CPPED1: variants seen among roughly 807,000 people sequenced by gnomAD.
CPPED1 encodes calcineurin like phosphoesterase domain containing 1.
In CPPED1, 28 loss-of-function variants were observed where a neutral mutation model predicts 28.0. That is an observed-to-expected ratio of 1.00 (90% CI 0.74 to 1.37). The LOEUF (loss-of-function observed/expected upper bound fraction) is 1.37. Among genes scored for constraint, CPPED1 ranks in the 40% most tolerant of loss-of-function variants. The pLI is 0.00. For synonymous variants in CPPED1, 198 were observed against 180.2 expected (o/e 1.10, Z -0.79); for missense variants, 504 against 416.5 (o/e 1.21, Z -1.83).
intron 2 of CPPED1, among the ~76,000 whole-genome samples, chr16:12,769,933 A>G (rs2080460360): frequency 6.6e-6 from 1 of 152,196 alleles, no homozygotes; most frequent in Non-Finnish European, 1.5e-5. Flanking sequence ...ATAACAACGC[A>G]AGGCTAATGA....
chr16:12,744,928 AGTGAGCT>A (rs2080277657), intron 2 of CPPED1, among the ~76,000 whole-genome samples: 1 of 152,232 alleles, frequency 6.6e-6, no homozygotes, highest in Admixed American at 6.5e-5. Flanking sequence ...TTGAGGTTGC[AGTGAGCT>A]GAGATCACAC....
intron 2 of CPPED1, among the ~76,000 whole-genome samples, chr16:12,778,277 CT>C (rs371883790): frequency 0.36 from 41,956 of 115,218 alleles, 5,912 homozygotes; most frequent in African/African-American, 0.46. Context: ...TTCTTTCTTT[CT>C]TTTTTTTTTT....
chr16:12,733,567 A>T (rs1439999623), intron 2 of CPPED1, among the ~76,000 whole-genome samples: 1 of 152,148 alleles, frequency 6.6e-6, no homozygotes, highest in East Asian at 1.9e-4. Context: ...GAGGCACTGC[A>T]TGCAGCCAAC....
intron 2 of CPPED1, among the ~76,000 whole-genome samples, chr16:12,765,190 T>C (rs1384916411): frequency 6.6e-6 from 1 of 152,232 alleles, no homozygotes; most frequent in Non-Finnish European, 1.5e-5. Context: ...TCTTCCTAAT[T>C]AATGAAGGTA....
rs140950828 is a variant in CPPED1 at position 12,737,052 on chromosome 16, C to T, written c.290-32003G>A. Among the ~76,000 whole-genome samples, 194 of 152,028 alleles carry T rather than the reference C, an allele frequency of 1.3e-3. 1 individual carries two copies. The highest frequency in any genetic ancestry group is 4.0e-3 in the African/African-American group (167 of 41,488). On this transcript the variant is annotated intron_variant, in intron 2 of 3. Transcript: ENST00000381774. ...TAAAAATACAAAAATTAGCTGGGTG[C>T]GATGGCGCACACCTGCAGTCCCAGC...
rs146425622 is a variant in CPPED1 at position 12,708,235 on chromosome 16, C to A, written c.290-3186G>T. On this transcript the variant is annotated intron_variant, in intron 2 of 3. Transcript: ENST00000381774. Reference sequence around the variant, plus strand: ...TTTCCAACACTTTCTATACCTCTTGCATGGAGTCACAGGTGCTGAGGTGGA... The same window carrying A: ...TTTCCAACACTTTCTATACCTCTTGAATGGAGTCACAGGTGCTGAGGTGGA... 2.6e-5 allele frequency among the ~76,000 whole-genome samples: 4 copies of A among 152,222 alleles called. No individual in the cohort carries two copies. The East Asian group carries it at 7.7e-4, about 29-fold the overall frequency.
intron 2 of CPPED1, among the ~76,000 whole-genome samples, chr16:12,708,774 C>A (rs565816337): frequency 6.6e-6 from 1 of 152,288 alleles, no homozygotes; most frequent in Admixed American, 6.5e-5. Context: ...CTTAGCAGAG[C>A]TTCCTGAAAA....
intron 3 of CPPED1, among the ~76,000 whole-genome samples, chr16:12,665,528 A>C (rs1259764526): frequency 6.6e-6 from 1 of 152,184 alleles, no homozygotes; most frequent in Admixed American, 6.6e-5. Context: ...ATGGTGGCTC[A>C]TGCCTGTAAT....
At chr16:12,792,005 G>A (rs1438797575) in intron 1 of CPPED1, among the ~76,000 whole-genome samples, 3 of 151,322 alleles carry the variant, frequency 2.0e-5, no homozygotes, top group Non-Finnish European at 4.4e-5. Flanking sequence ...AGGCTGAAAT[G>A]CAGTGGCACG....
chr16:12,751,789 C>A (rs749537696), intron 2 of CPPED1, among the ~76,000 whole-genome samples: 1 of 152,110 alleles, frequency 6.6e-6, no homozygotes, highest in Non-Finnish European at 1.5e-5. Context: ...CATGTGTATG[C>A]GTTATATTAA....
At chr16:12,729,153 G>C (rs896901925) in intron 2 of CPPED1, among the ~76,000 whole-genome samples, 1 of 152,060 alleles carries the variant, frequency 6.6e-6, no homozygotes, top group Non-Finnish European at 1.5e-5. Flanking sequence ...TATATCATTA[G>C]TTCTTTGGGA....
chr16:12,688,627 G>A (rs976261321), intron 3 of CPPED1, among the ~76,000 whole-genome samples: 3 of 151,886 alleles, frequency 2.0e-5, no homozygotes, highest in Non-Finnish European at 4.4e-5. Flanking sequence ...CTGATTCATC[G>A]CGCCCAGCCC....
At chr16:12,678,506 T>G (rs2079889488) in intron 3 of CPPED1, among the ~76,000 whole-genome samples, 1 of 152,230 alleles carries the variant, frequency 6.6e-6, no homozygotes, top group Non-Finnish European at 1.5e-5. Context: ...AAATGCCGTA[T>G]TAACATTGGC....
chr16:12,696,019 C>G (rs186795491), intron 3 of CPPED1, among the ~76,000 whole-genome samples: 83 of 152,264 alleles, frequency 5.5e-4, no homozygotes, highest in Admixed American at 3.7e-3. Flanking sequence ...TAAACCAGTA[C>G]CCCCTTTTGT....
At chr16:12,783,055 G>T (rs186254719) in intron 1 of CPPED1, among the ~76,000 whole-genome samples, 16 of 152,258 alleles carry the variant, frequency 1.1e-4, no homozygotes, top group Non-Finnish European at 1.9e-4. Context: ...CCCTGTGAGA[G>T]GTGCTGGCAA....
chr16:12,664,671 T>A lies in CPPED1; in HGVS notation c.*215A>T. The A allele has an allele frequency of 7.2e-7, 1 of 1,391,518 alleles. No homozygotes were observed. Among genetic ancestry groups the A allele is most frequent in the African/African-American group, 1.5e-5 (1 of 67,242 alleles). The allele number at this position is 1,391,518 out of a possible 1,614,324, so 86.2% of individuals were successfully genotyped here. A position where few individuals can be genotyped will look rare whatever the true frequency, so the allele number is the denominator to read the frequency against. Reference sequence around the variant, plus strand: ...TAGTCTAATATTTTAAAAACTGATTTCCAGGATCATTCGCTCCATTTTAAA... The same window carrying A: ...TAGTCTAATATTTTAAAAACTGATTACCAGGATCATTCGCTCCATTTTAAA... On this transcript the variant is annotated 3_prime_UTR_variant, in exon 4 of 4. Coordinates refer to ENST00000381774, the MANE Select transcript of CPPED1 (RefSeq NM_018340.3). The surrounding 1 kb of genome is among the most constrained non-coding windows in gnomAD (Gnocchi z 4.2).
At chr16:12,693,294 C>T (rs1247669442) in intron 3 of CPPED1, among the ~76,000 whole-genome samples, 6 of 152,164 alleles carry the variant, frequency 3.9e-5, no homozygotes. Flanking sequence ...CTTCAACATT[C>T]AGGCTCAGGC....
At chr16:12,742,669 A>C (rs894631657) in intron 2 of CPPED1, among the ~76,000 whole-genome samples, 2 of 152,184 alleles carry the variant, frequency 1.3e-5, no homozygotes, top group African/African-American at 4.8e-5. Context: ...GAAGACATGA[A>C]TGTTCAAGGG....
chr16:12,774,283 C>A (rs564931201), intron 2 of CPPED1, among the ~76,000 whole-genome samples: 5 of 152,192 alleles, frequency 3.3e-5, no homozygotes, highest in Admixed American at 6.5e-5. Context: ...GCCTGGCCAA[C>A]AAGATGAAAC....
Sources: allele counts gnomAD v4.1 joint callset (sites outside exome capture counted in the v4.1 genomes callset), GRCh38; gene constraint gnomAD v4.1.1; non-coding constraint Gnocchi (gnomAD v3.1); transcripts MANE v1.5; gene names NCBI Gene and HGNC (gene_info 2026-07-23, HGNC 2026-07-21).